The following PIK3C2G variants were observed in gnomAD, a reference collection of about 807,000 sequenced individuals.
The protein encoded by PIK3C2G is phosphatidylinositol-4-phosphate 3-kinase catalytic subunit type 2 gamma.
PIK3C2G carries 168 observed loss-of-function variants against 181.1 expected under a neutral mutation model. That is an observed-to-expected ratio of 0.93 (90% CI 0.82 to 1.05). The LOEUF (loss-of-function observed/expected upper bound fraction) is 1.05, where lower values mean the gene tolerates loss of function less well. PIK3C2G is among the 50% of genes least tolerant of loss of function. The probability of loss-of-function intolerance (pLI) is 0.00; values close to 1 mark genes in which losing one functional copy is unlikely to be tolerated. For synonymous variants in PIK3C2G, 573 were observed against 592.2 expected (o/e 0.97, Z 0.47); for missense variants, 1,869 against 1,732.8 (o/e 1.08, Z -1.40).
chr12:18,427,343 C>T (rs1254457716), intron 18 of PIK3C2G, among the ~76,000 whole-genome samples: 1 of 151,028 alleles, frequency 6.6e-6, no homozygotes, highest in Non-Finnish European at 1.5e-5. Context: ...CCCATTTCTA[C>T]TAAAAATACA....
downstream of PIK3C2G, among the ~76,000 whole-genome samples, chr12:18,652,030 AGTTT>A (rs1950541959): frequency 6.6e-6 from 1 of 152,264 alleles, no homozygotes; most frequent in East Asian, 1.9e-4. Context: ...TTTCTTTGTT[AGTTT>A]GTTAGTTTTA....
At chr12:18,465,862 C>G (rs2028982) in intron 18 of PIK3C2G, among the ~76,000 whole-genome samples, 83,441 of 151,412 alleles carry the variant, frequency 0.55, 23,509 homozygotes, top group Middle Eastern at 0.72. Context: ...GGGATACTGT[C>G]TCTTTCATTA....
At chr12:18,462,057 C>T (rs979746519) in intron 18 of PIK3C2G, among the ~76,000 whole-genome samples, 22 of 152,282 alleles carry the variant, frequency 1.4e-4, no homozygotes, top group African/African-American at 5.1e-4. Context: ...GGAAAATCTC[C>T]CCATCTCAAA....
At chr12:18,601,993 C>T (rs959225278) in intron 30 of PIK3C2G, among the ~76,000 whole-genome samples, 1 of 152,114 alleles carries the variant, frequency 6.6e-6, no homozygotes, top group Admixed American at 6.6e-5. Flanking sequence ...AAAGAATTCT[C>T]TAGCTGAACT....
chr12:18,356,986 C>A (rs1461203498), intron 11 of PIK3C2G, among the ~76,000 whole-genome samples: 2 of 152,042 alleles, frequency 1.3e-5, no homozygotes, highest in African/African-American at 4.8e-5. Context: ...GGCACCCCAC[C>A]CTTTTCTGTC....
At chr12:18,362,703 A>C (rs1941348335) in intron 11 of PIK3C2G, 61 bp from the exon 12 acceptor site, 1 of 1,231,374 alleles carries the variant, frequency 8.1e-7, no homozygotes. Flanking sequence ...TAATTGACCC[A>C]TATAGAAAGC....
chr12:18,630,987 T>TA (rs546167792), intron 31 of PIK3C2G, among the ~76,000 whole-genome samples: 91 of 148,026 alleles, frequency 6.1e-4, no homozygotes, highest in East Asian at 1.2e-3. Context: ...AGCCAGAGTT[T>TA]AAAAAAAAAA....
the PIK3C2G span, among the ~76,000 whole-genome samples, chr12:18,710,443 T>G: frequency 4.2e-4 from 64 of 151,944 alleles, no homozygotes; most frequent in East Asian, 0.012. Flanking sequence ...AGAGTTAAAA[T>G]AGGTAATGAA....
chr12:18,693,069 A>G, the PIK3C2G span: 1 of 1,491,984 alleles, frequency 6.7e-7, no homozygotes, highest in Non-Finnish European at 9.3e-7. Context: ...GAAAAGATCA[A>G]AAGTGGATGA....
At chr12:18,304,943 A>G (rs1591891533) in intron 5 of PIK3C2G, among the ~76,000 whole-genome samples, 1 of 152,222 alleles carries the variant, frequency 6.6e-6, no homozygotes, top group Non-Finnish European at 1.5e-5. Flanking sequence ...TCACAGAACC[A>G]TGTGGGAGGA....
At chr12:18,426,608 C>T (rs1945830116) in intron 18 of PIK3C2G, among the ~76,000 whole-genome samples, 1 of 152,074 alleles carries the variant, frequency 6.6e-6, no homozygotes, top group Non-Finnish European at 1.5e-5. Context: ...TTTTACTCTC[C>T]TGAATGTATG....
intron 26 of PIK3C2G, among the ~76,000 whole-genome samples, chr12:18,553,622 G>A (rs1192910449): frequency 6.6e-6 from 1 of 152,056 alleles, no homozygotes; most frequent in African/African-American, 2.4e-5. Context: ...CTTTAAGTTT[G>A]TTAGTCTTTA....
chr12:18,481,679 G>A (rs1939574499), intron 18 of PIK3C2G, among the ~76,000 whole-genome samples: 1 of 152,046 alleles, frequency 6.6e-6, no homozygotes, highest in Admixed American at 6.6e-5. Flanking sequence ...GCTTAGCCAT[G>A]CTCATCCACA....
At chr12:18,279,838 A>C (rs2137108151) in intron 1 of PIK3C2G, among the ~76,000 whole-genome samples, 1 of 152,204 alleles carries the variant, frequency 6.6e-6, no homozygotes. Flanking sequence ...CACTTTATAC[A>C]CCATTTACAT....
chr12:18,693,919 C>A, the PIK3C2G span: 1 of 1,526,504 alleles, frequency 6.6e-7, no homozygotes, highest in Non-Finnish European at 9.1e-7. Flanking sequence ...TAACCCTGCA[C>A]GACTTGATCA....
chr12:18,459,696 C>T (rs1257458388), intron 18 of PIK3C2G, among the ~76,000 whole-genome samples: 1 of 152,136 alleles, frequency 6.6e-6, no homozygotes, highest in African/African-American at 2.4e-5. Flanking sequence ...ATGAAACAGA[C>T]TCAATATTAA....
chr12:18,515,991 T>A (rs1942512841), intron 24 of PIK3C2G, among the ~76,000 whole-genome samples: 1 of 152,102 alleles, frequency 6.6e-6, no homozygotes, highest in African/African-American at 2.4e-5. Context: ...ATACTAAATA[T>A]ATAAATGGCT....
intron 18 of PIK3C2G, among the ~76,000 whole-genome samples, chr12:18,459,551 G>A (rs1168212708): frequency 6.6e-6 from 1 of 152,066 alleles, no homozygotes; most frequent in Non-Finnish European, 1.5e-5. Context: ...TATGTAGTTG[G>A]CATCTTTCCT....
chr12:18,685,140 A>T, the PIK3C2G span, among the ~76,000 whole-genome samples: 2 of 152,042 alleles, frequency 1.3e-5, no homozygotes, highest in East Asian at 1.9e-4. Flanking sequence ...TTCCATACTT[A>T]GTTGTTAGAC....
Sources: allele counts gnomAD v4.1 joint callset (sites outside exome capture counted in the v4.1 genomes callset), GRCh38; gene constraint gnomAD v4.1.1; transcripts MANE v1.5; gene names NCBI Gene and HGNC (gene_info 2026-07-23, HGNC 2026-07-21).